Variants in AGMO observed in about 807,000 individuals in gnomAD.
AGMO encodes the protein glyceryl-ether monooxygenase.
A neutral mutation model predicts 60.2 loss-of-function variants in AGMO; 75 were observed. The observed-to-expected ratio is 1.25, with a 90% CI of 1.03 to 1.51. The LOEUF (loss-of-function observed/expected upper bound fraction) is 1.51, where lower values mean the gene tolerates loss of function less well. Among genes scored for constraint, AGMO ranks in the 40% most tolerant of loss-of-function variants. The probability of loss-of-function intolerance (pLI) is 0.00; values close to 1 mark genes in which losing one functional copy is unlikely to be tolerated. For synonymous variants in AGMO, 261 were observed against 177.1 expected, an observed-to-expected ratio of 1.47 and a Z score of -3.76; for missense variants, 763 against 525.5, an observed-to-expected ratio of 1.45 and a Z score of -4.42.
Position 15,201,242 on chromosome 7 carries a change from G to A in AGMO, c.*43C>T, listed in dbSNP as rs764922677. The A allele has an allele frequency of 2.4e-5, 33 of 1,360,250 alleles. 1 individual carries two copies. In the Admixed American group the frequency reaches 5.3e-4, roughly 22 times the overall value. The allele number at this position is 1,360,250 out of a possible 1,614,324, so 84.3% of individuals were successfully genotyped here. Reference sequence around the variant, plus strand: ...TTTAATATGCAGTCATAATATGCGTGTGGACAACTCATTAAAAGAAGAGAA... The same window carrying A: ...TTTAATATGCAGTCATAATATGCGTATGGACAACTCATTAAAAGAAGAGAA... On this transcript the variant is annotated 3_prime_UTR_variant, in exon 13 of 13. Coordinates refer to ENST00000342526, the MANE Select transcript of AGMO (RefSeq NM_001004320.2).
chr7:15,530,660 C>CGTATTTCTATATATATATTCTATATAT lies in AGMO; in HGVS notation c.409+14085_409+14111dup, dbSNP rs1562555955. Reference sequence around the variant, plus strand: ...TATTTCTATATATATATTCTATATACGTATTTCTATATATATATTCTATAT... The same window carrying CGTATTTCTATATATATATTCTATATAT: ...TATTTCTATATATATATTCTATATACGTATTTCTATATATATATTCTATATATGTATTTCTATATATATATTCTATAT... On this transcript the variant is annotated intron_variant, in intron 3 of 12. Transcript: ENST00000342526. Among the ~76,000 whole-genome samples the CGTATTTCTATATATATATTCTATATAT allele has an allele frequency of 3.2e-3, 399 of 126,162 alleles. 43 individuals carry two copies. The highest frequency in any genetic ancestry group is 0.01 in the African/African-American group (350 of 34,312). The allele number at this position is 126,162 out of a possible 152,430, so 82.8% of individuals were successfully genotyped here. A position where few individuals can be genotyped will look rare whatever the true frequency, so the allele number is the denominator to read the frequency against.
the AGMO span, among the ~76,000 whole-genome samples, chr7:15,187,899 T>TCCC: frequency 1.1e-4 from 16 of 151,180 alleles, no homozygotes; most frequent in African/African-American, 3.9e-4. Flanking sequence ...AAGGATTAAC[T>TCCC]CCCCCCCGAC....
chr7:15,226,559 T>G (rs2128498279), intron 12 of AGMO, among the ~76,000 whole-genome samples: 1 of 152,194 alleles, frequency 6.6e-6, no homozygotes, highest in Non-Finnish European at 1.5e-5. Context: ...TGCTAAATTT[T>G]TAAAGAGTAG....
chr7:15,483,059 G>T (rs1050828298), intron 3 of AGMO, among the ~76,000 whole-genome samples: 1 of 152,016 alleles, frequency 6.6e-6, no homozygotes, highest in East Asian at 1.9e-4. Context: ...AGTGAGGCAA[G>T]AAGAAATCAA....
At position 15,557,055 on chromosome 7, in the gene AGMO, C is replaced by G. The variant is rs970066641; in HGVS notation, c.257+3086G>C. Among the ~76,000 whole-genome samples, 9 of 152,050 alleles carry G rather than the reference C, an allele frequency of 5.9e-5. No homozygotes were observed. The South Asian group carries it at 8.3e-4, about 14-fold the overall frequency. ...TGAGATAAAGGTTTGAAAGAGGCAG[C>G]ATGTGTCTTTTCTATCAACATGGTA... On this transcript the variant is annotated intron_variant, in intron 2 of 12. Transcript: ENST00000342526.
chr7:15,344,751 G>T lies in AGMO; in HGVS notation c.1263+20763C>A, dbSNP rs186518012. On this transcript the variant is annotated intron_variant, in intron 12 of 12. Coordinates refer to ENST00000342526, the MANE Select transcript of AGMO (RefSeq NM_001004320.2). Reference sequence around the variant, plus strand: ...GGATGCAGATTTTCTTTGCTCTCAAGAGAAGACTTTTCCATTAGAAATATG... The same window carrying T: ...GGATGCAGATTTTCTTTGCTCTCAATAGAAGACTTTTCCATTAGAAATATG... Among the ~76,000 whole-genome samples, 283 of 152,206 alleles carry T rather than the reference G, an allele frequency of 1.9e-3. 3 individuals are homozygous for T. Among genetic ancestry groups the T allele is most frequent in the Non-Finnish European group, 6.8e-4 (46 of 67,998 alleles).
At chr7:15,301,567 A>G (rs1784560475) in intron 12 of AGMO, among the ~76,000 whole-genome samples, 1 of 152,178 alleles carries the variant, frequency 6.6e-6, no homozygotes, top group Non-Finnish European at 1.5e-5. Context: ...AACCAATACA[A>G]TAAGTGGTAA....
At chr7:15,261,912 C>T (rs995697687) in intron 12 of AGMO, among the ~76,000 whole-genome samples, 6 of 151,866 alleles carry the variant, frequency 4.0e-5, no homozygotes, top group Non-Finnish European at 8.8e-5. Context: ...ACATGATAAT[C>T]TCAATAGATA....
intron 12 of AGMO, among the ~76,000 whole-genome samples, chr7:15,278,833 A>T (rs890403846): frequency 1.3e-5 from 2 of 152,096 alleles, no homozygotes; most frequent in Non-Finnish European, 2.9e-5. Context: ...TCTCAGAGGA[A>T]CACCAGGCTG....
chr7:15,538,520 G>A (rs746962053), intron 3 of AGMO, among the ~76,000 whole-genome samples: 13 of 152,022 alleles, frequency 8.6e-5, no homozygotes, highest in Non-Finnish European at 1.9e-4. Flanking sequence ...TGAGATTACA[G>A]GTATGAGCCA....
chr7:15,264,834 G>A (rs903679054), intron 12 of AGMO, among the ~76,000 whole-genome samples: 1 of 151,960 alleles, frequency 6.6e-6, no homozygotes, highest in Admixed American at 6.6e-5. Flanking sequence ...TTGTTGGTGG[G>A]AACATAAATT....
At chr7:15,492,926 C>G (rs543869555) in intron 3 of AGMO, among the ~76,000 whole-genome samples, 2 of 152,174 alleles carry the variant, frequency 1.3e-5, no homozygotes, top group Non-Finnish European at 2.9e-5. Context: ...ATTTTTGAAG[C>G]CTTGACGCCA....
At chr7:15,466,376 C>T (rs1456686672) in intron 3 of AGMO, among the ~76,000 whole-genome samples, 1 of 152,080 alleles carries the variant, frequency 6.6e-6, no homozygotes, top group Non-Finnish European at 1.5e-5. Flanking sequence ...GTGGAGAAGA[C>T]AAGCATTAAT....
intron 12 of AGMO, among the ~76,000 whole-genome samples, chr7:15,251,125 G>T (rs901449628): frequency 6.6e-6 from 1 of 152,056 alleles, no homozygotes; most frequent in Non-Finnish European, 1.5e-5. Context: ...CTTTAGCCCA[G>T]CTCAAAATGC....
At chr7:15,359,529 T>A (rs956650506) in intron 12 of AGMO, among the ~76,000 whole-genome samples, 11 of 152,164 alleles carry the variant, frequency 7.2e-5, no homozygotes, top group African/African-American at 2.7e-4. Flanking sequence ...CATGTATGTT[T>A]TTTTGTAGAA....
At chr7:15,248,744 G>A (rs1215880001) in intron 12 of AGMO, among the ~76,000 whole-genome samples, 1 of 152,156 alleles carries the variant, frequency 6.6e-6, no homozygotes, top group Non-Finnish European at 1.5e-5. Context: ...GGTGCTGAAT[G>A]GGCATGTAGA....
intron 3 of AGMO, among the ~76,000 whole-genome samples, chr7:15,455,832 A>G (rs1781986017): frequency 6.6e-6 from 1 of 152,038 alleles, no homozygotes; most frequent in Admixed American, 6.6e-5. Context: ...GGAAGCTGCT[A>G]GTTTACGTTT....
intron 8 of AGMO, among the ~76,000 whole-genome samples, chr7:15,388,756 T>A (rs867927825): frequency 2.6e-5 from 4 of 152,178 alleles, no homozygotes; most frequent in African/African-American, 9.7e-5. Context: ...GAAATTTACC[T>A]GTATATAAAG....
intron 2 of AGMO, among the ~76,000 whole-genome samples, chr7:15,553,222 G>A (rs2090284015): frequency 6.6e-6 from 1 of 151,668 alleles, no homozygotes; most frequent in Non-Finnish European, 1.5e-5. Context: ...CCTAATGCTA[G>A]ATGACGAGTT....
Sources: gnomAD v4.1 joint callset for allele counts (sites outside exome capture counted in the v4.1 genomes callset) on GRCh38, gnomAD v4.1.1 for gene constraint, MANE v1.5 for transcripts, NCBI Gene and HGNC (gene_info 2026-07-23, HGNC 2026-07-21) for gene names.